Variants in VPS13B observed in about 807,000 individuals in gnomAD.
VPS13B encodes vacuolar protein sorting 13 homolog B, also known as intermembrane lipid transfer protein VPS13B.
VPS13B carries 285 observed loss-of-function variants against 426.4 expected under a neutral mutation model. The ratio of observed to expected loss-of-function variants is 0.67; its 90% CI spans 0.61 to 0.74. VPS13B has a LOEUF of 0.74. Among genes scored for constraint, VPS13B ranks in the 30% least tolerant of loss-of-function variants. The pLI, the probability that VPS13B is intolerant of heterozygous loss-of-function variation, is 0.00. For synonymous variants in VPS13B, 1,676 were observed against 1,676.4 expected, an observed-to-expected ratio of 1.00 and a Z score of 0.01; for missense variants, 4,537 against 4,782.6, an observed-to-expected ratio of 0.95 and a Z score of 1.51.
chr8:99,448,286 A>C (rs1444488736), intron 23 of VPS13B, among the ~76,000 whole-genome samples: 1 of 151,996 alleles, frequency 6.6e-6, no homozygotes, highest in African/African-American at 2.4e-5. Flanking sequence ...GAGAATATAG[A>C]GTGACTGCAT....
intron 43 of VPS13B, among the ~76,000 whole-genome samples, chr8:99,801,764 G>C (rs80061483): frequency 0.046 from 6,973 of 152,166 alleles, 174 homozygotes; most frequent in African/African-American, 0.061. Flanking sequence ...TTCAGCCCAA[G>C]TGTACTGTCT....
At chr8:99,099,756 A>G (rs1189095649) in intron 4 of VPS13B, among the ~76,000 whole-genome samples, 1 of 152,208 alleles carries the variant, frequency 6.6e-6, no homozygotes, top group Non-Finnish European at 1.5e-5. Flanking sequence ...TGTAAAAAGG[A>G]GGAAGAACAC....
In VPS13B at chr8:99,577,628, G is replaced by A. The variant is rs1388476748; in HGVS notation, c.5215G>A (p.Ala1739Thr). 2 of 1,613,488 alleles carry A rather than the reference G, an allele frequency of 1.2e-6. No individual in the cohort carries two copies. The highest frequency in any genetic ancestry group is 1.7e-6 in the Non-Finnish European group (2 of 1,179,708). ...MTGLEPSNKA[A>T]EISKQEQKKV... is the part of the protein sequence containing the mutation. ...TGGACTGGAACCATCAAACAAGGCT[G>A]CAGAGGTAACTGTTACCTGATTTTG... Residue 1739 changes from alanine (A) to threonine (T), a missense_variant, in exon 33 of 62, where the codon GCA (alanine) becomes ACA (threonine). Physicochemically the swap from Ala to Thr is moderately conservative, Grantham distance 58. Coordinates refer to ENST00000357162, the MANE Select transcript of VPS13B (RefSeq NM_152564.5).
Position 99,143,758 on chromosome 8 carries a change from G to T in VPS13B, c.1843+593G>T, listed in dbSNP as rs149411534. Among the ~76,000 whole-genome samples the T allele has an allele frequency of 6.3e-3, 960 of 152,290 alleles. 8 individuals are homozygous for T. Among genetic ancestry groups the T allele is most frequent in the African/African-American group, 0.022 (901 of 41,554 alleles). ...GACCCTCACTTCTTAGTATCCTTAA[G>T]AAATTTAATTAACATCTTTGATGTT... is the stretch of plus-strand genomic sequence containing the variant. On this transcript the variant is annotated intron_variant, in intron 13 of 61. Coordinates refer to ENST00000357162, the MANE Select transcript of VPS13B (RefSeq NM_152564.5).
intron 3 of VPS13B, among the ~76,000 whole-genome samples, chr8:99,053,970 C>G (rs1410739158): frequency 1.3e-5 from 2 of 152,238 alleles, no homozygotes; most frequent in Non-Finnish European, 2.9e-5. Flanking sequence ...TCCCAAAGTG[C>G]TGGGATTACG....
intron 17 of VPS13B, among the ~76,000 whole-genome samples, chr8:99,273,180 G>C (rs1818690593): frequency 7.3e-6 from 1 of 136,520 alleles, no homozygotes; most frequent in African/African-American, 2.7e-5. Context: ...TTTTTTTTGA[G>C]ATGGAGTCTC....
At chr8:99,467,751 G>C in intron 24 of VPS13B, 117 bp downstream of exon 24, 1 of 1,105,170 alleles carries the variant, frequency 9.0e-7, no homozygotes, top group Non-Finnish European at 1.3e-6. Flanking sequence ...TTTTAACTTG[G>C]CCATCAAGAT....
chr8:99,872,727 G>C (rs182773852), intron 61 of VPS13B, among the ~76,000 whole-genome samples: 10 of 152,326 alleles, frequency 6.6e-5, no homozygotes, highest in Non-Finnish European at 1.0e-4. Context: ...CCTGGGGACT[G>C]AGTGGCCCCA....
intron 4 of VPS13B, among the ~76,000 whole-genome samples, chr8:99,101,757 G>C (rs796525861): frequency 1.6e-4 from 24 of 152,304 alleles, no homozygotes; most frequent in African/African-American, 5.3e-4. Flanking sequence ...CGTTATGGTT[G>C]AATAGATTTA....
In VPS13B at chr8:99,876,174, C is replaced by CTGTT. The variant is rs1484421111; in HGVS notation, c.*510_*513dup. On this transcript the variant is annotated 3_prime_UTR_variant, in exon 62 of 62. Transcript: ENST00000357162. ...CCAGAGTTAAAACTTCAAGTTGCATCTGTTTTTGGGCTGAGTCACCACCTT... is the reference window on the plus strand; with the variant it reads ...CCAGAGTTAAAACTTCAAGTTGCATCTGTTTGTTTTTGGGCTGAGTCACCACCTT... 1.2e-5 allele frequency: 2 copies of CTGTT among 170,090 alleles called. No individual in the cohort carries two copies. Among genetic ancestry groups the CTGTT allele is most frequent in the African/African-American group, 2.4e-5 (1 of 41,652 alleles). 10.5% of individuals were successfully genotyped at this position (170,090 alleles called of 1,614,324 possible).
chr8:99,778,907 T>C lies in VPS13B; in HGVS notation c.7655T>C (p.Met2552Thr), dbSNP rs944760586. The C allele has an allele frequency of 3.7e-6, 6 of 1,613,900 alleles. No individual in the cohort carries two copies. The highest frequency in any genetic ancestry group is 5.1e-6 in the Non-Finnish European group (6 of 1,179,932). Residue 2552 changes from methionine (M) to threonine (T), a missense_variant, in exon 42 of 62, where the codon ATG becomes ACG. Met to Thr is a moderately conservative substitution (Grantham distance 81). Coordinates refer to ENST00000357162, the MANE Select transcript of VPS13B (RefSeq NM_152564.5). ...VVKPFSIFGQ[M>T]AVSSDVVEKL... ...AAACCCTTCAGCATCTTCGGGCAGA[T>C]GGCAGTTTCCAGCGATGTAGTGGAA...
intron 8 of VPS13B, among the ~76,000 whole-genome samples, chr8:99,132,968 T>C (rs1588073284): frequency 6.6e-6 from 1 of 152,178 alleles, no homozygotes; most frequent in African/African-American, 2.4e-5. Flanking sequence ...ATTTTCAGAA[T>C]GGTAAATGAA....
chr8:99,022,213 TG>T (rs1291314157), intron 2 of VPS13B, among the ~76,000 whole-genome samples: 1 of 151,730 alleles, frequency 6.6e-6, no homozygotes, highest in Non-Finnish European at 1.5e-5. Flanking sequence ...CTTAAGTCAT[TG>T]CTTTTTTTCA....
intron 15 of VPS13B, among the ~76,000 whole-genome samples, chr8:99,158,262 C>T (rs192583259): frequency 3.3e-5 from 5 of 152,296 alleles, no homozygotes; most frequent in South Asian, 2.1e-4. Flanking sequence ...CGGCCGGGCA[C>T]GGTGGCTCAT....
At position 99,328,241 on chromosome 8, in the gene VPS13B, A is replaced by G. The variant is rs146412471; in HGVS notation, c.2824+52987A>G. Among the ~76,000 whole-genome samples the G allele has an allele frequency of 1.9e-3, 282 of 152,320 alleles. 2 individuals carry two copies. The highest frequency in any genetic ancestry group is 6.4e-3 in the African/African-American group (266 of 41,588). The stretch of plus-strand genomic sequence containing the variant: ...GGTGGAACAGTTTCATCCTGAAACA[A>G]TCGCCATCCCTGAACCAAGTCCGTG... On this transcript the variant is annotated intron_variant, in intron 19 of 61. Coordinates refer to ENST00000357162, the MANE Select transcript of VPS13B (RefSeq NM_152564.5).
At chr8:99,457,391 A>G (rs977028393) in intron 23 of VPS13B, among the ~76,000 whole-genome samples, 14 of 152,298 alleles carry the variant, frequency 9.2e-5, no homozygotes, top group Non-Finnish European at 2.1e-4. Context: ...ATTTGTTGGC[A>G]TAAAGCTGTT....
intron 23 of VPS13B, among the ~76,000 whole-genome samples, chr8:99,456,339 T>C (rs1182965648): frequency 1.3e-5 from 2 of 152,102 alleles, no homozygotes; most frequent in African/African-American, 2.4e-5. Flanking sequence ...CAGCTAATTT[T>C]TGTATTTTTA....
intron 33 of VPS13B, among the ~76,000 whole-genome samples, chr8:99,604,550 A>AGT (rs201489576): frequency 0.15 from 19,689 of 132,840 alleles, 1,844 homozygotes; most frequent in East Asian, 0.41. Context: ...CCCAGGCTGG[A>AGT]GTGCAGTGGC....
intron 21 of VPS13B, among the ~76,000 whole-genome samples, chr8:99,414,401 G>T (rs753852453): frequency 1.3e-5 from 2 of 151,868 alleles, no homozygotes; most frequent in African/African-American, 2.4e-5. Context: ...TTTAATTGTG[G>T]CATTTAGCCC....
Sources: gnomAD v4.1 joint callset for allele counts (sites outside exome capture counted in the v4.1 genomes callset) on GRCh38, gnomAD v4.1.1 for gene constraint, MANE v1.5 for transcripts, NCBI Gene and HGNC (gene_info 2026-07-23, HGNC 2026-07-21) for gene names.